Variants in TYW5 observed in about 807,000 individuals in gnomAD.
The protein encoded by TYW5 is tRNA wybutosine-synthesizing protein 5.
A neutral mutation model predicts 44.4 loss-of-function variants in TYW5; 36 were observed. The ratio of observed to expected loss-of-function variants is 0.81; its 90% CI spans 0.62 to 1.07. TYW5 has a LOEUF of 1.07. TYW5 is among the 50% of genes least tolerant of loss of function. The pLI is 0.00. For synonymous variants in TYW5, 121 were observed against 128.1 expected (o/e 0.94, Z 0.37); for missense variants, 354 against 365.7 (o/e 0.97, Z 0.26).
At chr2:199,934,559 G>A (rs944525152) in intron 7 of TYW5, among the ~76,000 whole-genome samples, 2 of 151,788 alleles carry the variant, frequency 1.3e-5, no homozygotes, top group Non-Finnish European at 2.9e-5. Context: ...ATCATATCTG[G>A]CCCTTTTGGG....
Position 199,948,430 on chromosome 2 carries a change from T to A in TYW5, c.121A>T (p.Thr41Ser), listed in dbSNP as rs1361393015. The change falls in exon 2 of 8, where the codon ACA (threonine) becomes TCA (serine). Residue 41 changes from threonine to serine, a missense_variant. Transcript: ENST00000354611. The stretch of plus-strand genomic sequence containing the variant: ...AGGTAATCCACTGTCCATTTGCTTG[T>A]ACATGGCCCCAAATCAATCCCTTCC... ...VLEGIDLGPC[T>S]SKWTVDYLSQ... is the part of the protein sequence containing the mutation. The A allele has an allele frequency of 6.2e-7, 1 of 1,614,144 alleles. No individual in the cohort carries two copies. The highest frequency in any genetic ancestry group is 8.5e-7 in the Non-Finnish European group (1 of 1,180,004).
intron 2 of TYW5, chr2:199,946,774 T>A (rs996271137): frequency 6.6e-6 from 1 of 152,186 alleles, no homozygotes; most frequent in African/African-American, 2.4e-5. Flanking sequence ...TGACTAAACC[T>A]ATTTTTTTGG....
At chr2:199,949,449 C>A (rs1306606390) in intron 1 of TYW5, among the ~76,000 whole-genome samples, 1 of 152,106 alleles carries the variant, frequency 6.6e-6, no homozygotes, top group Admixed American at 6.6e-5. Context: ...CTAATTGTCC[C>A]AATGATTTCC....
rs1011769580 is a variant in TYW5, at chr2:199,930,723, G to A, written c.*2344C>T. ...AAGCCCCCAAACTAGCCAAAGAAAA[G>A]CTGTGTAATCTATTCAGAAGTACTG... On this transcript the variant is annotated 3_prime_UTR_variant, in exon 8 of 8. Coordinates refer to ENST00000354611, the MANE Select transcript of TYW5 (RefSeq NM_001039693.3). 10 of 152,138 alleles carry A rather than the reference G, an allele frequency of 6.6e-5. No homozygotes were observed. The highest frequency in any genetic ancestry group is 2.6e-4 in the Admixed American group (4 of 15,266). 9.4% of individuals were successfully genotyped at this position (152,138 alleles called of 1,614,324 possible).
chr2:199,936,047 C>A lies in TYW5; in HGVS notation c.575G>T (p.Gly192Val). The A allele has an allele frequency of 1.9e-6, 3 of 1,560,142 alleles. No individual in the cohort carries two copies. Among genetic ancestry groups the A allele is most frequent in the South Asian group, 1.1e-5 (1 of 87,232 alleles). ...PRDAQYLYLK[G>V]TKSEVLNIDN... ...TATATTCAGTACTTCTGATTTAGTA[C>A]CTAAAAAGTTCCAAAAAGGGATAAT... The change falls in exon 7 of 8, where the codon GGT becomes GTT. Residue 192 changes from glycine (G) to valine (V), a missense_variant and splice_region_variant. Coordinates refer to ENST00000354611, the MANE Select transcript of TYW5 (RefSeq NM_001039693.3).
At chr2:199,943,511 C>T in intron 3 of TYW5, 1 of 338,716 alleles carries the variant, frequency 3.0e-6, no homozygotes, top group Non-Finnish European at 5.3e-6. Context: ...TTAATCCTCA[C>T]AAACACTTTA....
At chr2:199,954,516 C>A (rs1464259335) in intron 1 of TYW5, among the ~76,000 whole-genome samples, 5 of 152,086 alleles carry the variant, frequency 3.3e-5, no homozygotes, top group Admixed American at 3.3e-4. Flanking sequence ...ACTGCAACCT[C>A]CGCCTCCCGG....
intron 1 of TYW5, among the ~76,000 whole-genome samples, chr2:199,951,879 T>A (rs973298750): frequency 6.6e-6 from 1 of 151,982 alleles, no homozygotes; most frequent in Non-Finnish European, 1.5e-5. Flanking sequence ...TAGCCGGGTG[T>A]GGTGGCGGGC....
chr2:199,950,580 G>A (rs1012547235), intron 1 of TYW5, among the ~76,000 whole-genome samples: 1 of 152,156 alleles, frequency 6.6e-6, no homozygotes. Context: ...ACCCCAAGAT[G>A]TGCACATTAG....
chr2:199,938,742 A>G (rs1003022456), intron 5 of TYW5, among the ~76,000 whole-genome samples, 191 bp downstream of exon 5: 3 of 152,240 alleles, frequency 2.0e-5, no homozygotes, highest in Non-Finnish European at 1.5e-5. Context: ...TGAGGAACCA[A>G]CTAGGCTTTG....
chr2:199,936,950 G>C (rs965953521), intron 5 of TYW5, among the ~76,000 whole-genome samples: 3 of 152,098 alleles, frequency 2.0e-5, no homozygotes, highest in Non-Finnish European at 2.9e-5. Context: ...TTTCATTATA[G>C]GTATCTTGAT....
At chr2:199,941,287 G>A (rs562024645) in intron 3 of TYW5, among the ~76,000 whole-genome samples, 36 of 152,242 alleles carry the variant, frequency 2.4e-4, no homozygotes, top group African/African-American at 5.8e-4. Flanking sequence ...GTGATCCTCC[G>A]GTGTTGGCCT....
At chr2:199,955,315 C>T (rs1440041974) in intron 1 of TYW5, 78 bp downstream of exon 1, 5 of 1,521,466 alleles carry the variant, frequency 3.3e-6, no homozygotes, top group Non-Finnish European at 1.8e-6. Flanking sequence ...TCTCTAAAAA[C>T]CAGTTCCCAG....
chr2:199,943,259 T>C (rs541367775), intron 3 of TYW5: 6 of 152,436 alleles, frequency 3.9e-5, no homozygotes, highest in African/African-American at 9.6e-5. Flanking sequence ...TTAAGTAGAA[T>C]TCTTCCGCAT....
At chr2:199,955,070 A>T (rs1192471808) in intron 1 of TYW5, among the ~76,000 whole-genome samples, 1 of 152,084 alleles carries the variant, frequency 6.6e-6, no homozygotes, top group African/African-American at 2.4e-5. Flanking sequence ...TGGAGTGAAA[A>T]GTTGTGCCTT....
chr2:199,942,676 A>T (rs1247275753), intron 3 of TYW5: 1 of 152,046 alleles, frequency 6.6e-6, no homozygotes, highest in Non-Finnish European at 1.5e-5. Flanking sequence ...AGAATCACAG[A>T]CCTACAGAGT....
At chr2:199,940,450 C>T (rs1193392853) in intron 3 of TYW5, among the ~76,000 whole-genome samples, 3 of 151,942 alleles carry the variant, frequency 2.0e-5, no homozygotes, top group African/African-American at 7.3e-5. Context: ...TCCAAGAGCT[C>T]AAGACCAGCC....
chr2:199,955,106 G>C (rs1383586123), intron 1 of TYW5, among the ~76,000 whole-genome samples: 2 of 152,204 alleles, frequency 1.3e-5, no homozygotes, highest in Non-Finnish European at 2.9e-5. Flanking sequence ...GGAGCAGACT[G>C]ACAGATGCGG....
At chr2:199,952,835 A>T (rs1231463858) in intron 1 of TYW5, among the ~76,000 whole-genome samples, 1 of 152,140 alleles carries the variant, frequency 6.6e-6, no homozygotes, top group Non-Finnish European at 1.5e-5. Context: ...TCATTTCTTT[A>T]CATTTTTCTG....
Sources: allele counts gnomAD v4.1 joint callset (sites outside exome capture counted in the v4.1 genomes callset), GRCh38; gene constraint gnomAD v4.1.1; transcripts MANE v1.5; gene names NCBI Gene and HGNC (gene_info 2026-07-23, HGNC 2026-07-21).